SMARCA4: variants seen among roughly 807,000 people sequenced by gnomAD.
The protein encoded by SMARCA4 is SWI/SNF-related matrix-associated actin-dependent regulator of chromatin subfamily A member 4.
A neutral mutation model predicts 193.9 loss-of-function variants in SMARCA4; 31 were observed. That is an observed-to-expected ratio of 0.16 (90% CI 0.12 to 0.22). The LOEUF (loss-of-function observed/expected upper bound fraction) is 0.22. Ranked by LOEUF, SMARCA4 falls within the 10% of genes least tolerant of loss-of-function variation. SMARCA4 has a pLI of 1.00. For missense variants in SMARCA4, 1,148 were observed against 2,296.0 expected, an observed-to-expected ratio of 0.50 and a Z score of 10.22; for synonymous variants, 942 against 933.1, an observed-to-expected ratio of 1.01 and a Z score of -0.17.
rs1555753727 is a variant in SMARCA4, at chr19:10,986,542, G to A, written c.709G>A (p.Gly237Ser). 2 of 1,540,632 alleles carry A rather than the reference G, an allele frequency of 1.3e-6. No homozygotes were observed. Among genetic ancestry groups the A allele is most frequent in the Non-Finnish European group, 8.7e-7 (1 of 1,146,600 alleles). ...AGGACCCGGCCCTGGCCCTGGCCCT[G>A]GCCCCGGCCCGGGTCCCGGCCCGGC... is the stretch of plus-strand genomic sequence containing the variant. ...ATGPGPGPGP[G>S]PGPGPGPAPP... The change falls in exon 4 of 35, where the codon GGC becomes AGC. Residue 237 changes from glycine (G) to serine (S), a missense_variant. Physicochemically the swap from Gly to Ser is moderately conservative, Grantham distance 56 (BLOSUM62 0). Transcript: ENST00000344626. This position sits in a 1 kb window ranked among gnomAD's most constrained non-coding sequence, Gnocchi z 6.7.
Position 10,986,723 on chromosome 19 carries a change from C to A in SMARCA4, c.760+130C>A. 2 of 1,384,360 alleles carry A rather than the reference C, an allele frequency of 1.4e-6. No individual in the cohort carries two copies. The highest frequency in any genetic ancestry group is 2.0e-6 in the Non-Finnish European group (2 of 1,013,568). The allele number at this position is 1,384,360 out of a possible 1,614,324, so 85.8% of individuals were successfully genotyped here. A position where few individuals can be genotyped will look rare whatever the true frequency, so the allele number is the denominator to read the frequency against. ...TGGGATTGCACGGGCCCATACTGCA[C>A]TTCTGGGTGCTCGGGTGGTGGGGGC... On this transcript the variant is annotated intron_variant, in intron 4 of 34. Transcript: ENST00000344626. The surrounding 1 kb of genome is among the most constrained non-coding windows in gnomAD (Gnocchi z 6.7).
chr19:10,961,560 G>C lies in SMARCA4; in HGVS notation c.-32+386G>C, dbSNP rs569848910. The C allele has an allele frequency of 2.2e-3, 334 of 152,328 alleles. 7 individuals carry two copies. In the South Asian group the frequency reaches 0.024, roughly 11 times the overall value. 9.4% of individuals were successfully genotyped at this position (152,328 alleles called of 1,614,324 possible). A position where few individuals can be genotyped will look rare whatever the true frequency, so the allele number is the denominator to read the frequency against. On this transcript the variant is annotated intron_variant, in intron 1 of 34. Coordinates refer to ENST00000344626, the MANE Select transcript of SMARCA4 (RefSeq NM_003072.5). ...CAGGCGTTGGGGCTTTTCTGGCTGC[G>C]TGGTAACGGGTCCGACCCGAATGTT...
At chr19:10,988,190 G>T (rs1231678326) in intron 6 of SMARCA4, among the ~76,000 whole-genome samples, 1 of 151,744 alleles carries the variant, frequency 6.6e-6, no homozygotes, top group Non-Finnish European at 1.5e-5. Flanking sequence ...GCACAATCTC[G>T]GTTCACTGCA....
At position 11,034,762 on chromosome 19, in the gene SMARCA4, CACTGAAAAATCGAGAGCT is replaced by C. The variant is rs2075160736; in HGVS notation, c.3952-147_3952-130del. On this transcript the variant is annotated intron_variant, in intron 28 of 34. Transcript: ENST00000344626. This position sits in a 1 kb window ranked among gnomAD's most constrained non-coding sequence, Gnocchi z 7.0. ...TCTGACGGAGCCAGGCCAGGTCAGCCACTGAAAAATCGAGAGCTACTGTTTAACTCTCGCAGCAGCGTG... is the reference window on the plus strand; with the variant it reads ...TCTGACGGAGCCAGGCCAGGTCAGCCACTGTTTAACTCTCGCAGCAGCGTG... 2.9e-5 allele frequency: 20 copies of C among 689,054 alleles called. No homozygotes were observed. Among genetic ancestry groups the C allele is most frequent in the African/African-American group, 1.1e-4 (6 of 56,826 alleles). 42.7% of individuals were successfully genotyped at this position (689,054 alleles called of 1,614,324 possible).
intron 29 of SMARCA4, chr19:11,039,644 T>C (rs2075469398): frequency 1.7e-6 from 1 of 594,240 alleles, no homozygotes; most frequent in African/African-American, 2.0e-5. Context: ...AAAACATGGC[T>C]GCTTTGGTAA....
In SMARCA4 at chr19:11,041,110, A is replaced by C. The variant is rs1200542682; in HGVS notation, c.4171-197A>C. On this transcript the variant is annotated intron_variant, in intron 29 of 34. Coordinates refer to ENST00000344626, the MANE Select transcript of SMARCA4 (RefSeq NM_003072.5). The surrounding 1 kb of genome is among the most constrained non-coding windows in gnomAD (Gnocchi z 5.6). Reference sequence around the variant, plus strand: ...CTTGGGTGGGGTGCCTGCTGGGGGCAGTGCTGGTCTTTCACTGCAGCCCAG... The same window carrying C: ...CTTGGGTGGGGTGCCTGCTGGGGGCCGTGCTGGTCTTTCACTGCAGCCCAG... The C allele has an allele frequency of 3.3e-6, 2 of 603,074 alleles. No individual in the cohort carries two copies. Among genetic ancestry groups the C allele is most frequent in the Admixed American group, 6.0e-5 (2 of 33,492 alleles). 37.4% of individuals were successfully genotyped at this position (603,074 alleles called of 1,614,324 possible).
In SMARCA4 at chr19:10,984,078, G is replaced by A; in HGVS notation, c.-31-43G>A. ...TCCCTTGCTATCCCTGTCCTGCCTC[G>A]CCCTTGGTCATGAACCCCAGACTGA... On this transcript the variant is annotated intron_variant, in intron 1 of 34. Coordinates refer to ENST00000344626, the MANE Select transcript of SMARCA4 (RefSeq NM_003072.5). This position sits in a 1 kb window ranked among gnomAD's most constrained non-coding sequence, Gnocchi z 4.3. The A allele has an allele frequency of 3.9e-6, 6 of 1,552,394 alleles. No individual in the cohort carries two copies. The highest frequency in any genetic ancestry group is 2.2e-5 in the South Asian group (2 of 89,194).
At position 10,984,202 on chromosome 19, in the gene SMARCA4, C is replaced by T. The variant is rs1438233071; in HGVS notation, c.51C>T (p.Ser17=). ...PLGGTPRPGP[S]PGPGPSPGAM... is the part of the protein sequence containing the mutation. ...GCGGAACTCCTCGGCCAGGTCCTTC[C>T]CCGGGCCCTGGCCCTTCCCCTGGAG... is the stretch of plus-strand genomic sequence containing the variant. Residue 17 remains serine, a synonymous_variant, in exon 2 of 35, where the codon TCC becomes TCT. Transcript: ENST00000344626. The surrounding 1 kb of genome is among the most constrained non-coding windows in gnomAD (Gnocchi z 4.3). 2 of 1,612,482 alleles carry T rather than the reference C, an allele frequency of 1.2e-6. No individual in the cohort carries two copies. Among genetic ancestry groups the T allele is most frequent in the Admixed American group, 3.3e-5 (2 of 60,006 alleles).
chr19:10,962,834 C>T (rs1274378633), intron 1 of SMARCA4, among the ~76,000 whole-genome samples: 5 of 152,140 alleles, frequency 3.3e-5, no homozygotes, highest in African/African-American at 1.2e-4. Flanking sequence ...TGAGCCACTG[C>T]GCCAGGATTG....
At chr19:11,008,831 G>T (rs1282554807) in intron 14 of SMARCA4, among the ~76,000 whole-genome samples, 1 of 151,704 alleles carries the variant, frequency 6.6e-6, no homozygotes, top group Non-Finnish European at 1.5e-5. Context: ...AAAATTAGCT[G>T]GGCGTGGTGG....
intron 1 of SMARCA4, among the ~76,000 whole-genome samples, chr19:10,963,392 GAAAA>G (rs370224849): frequency 7.0e-5 from 9 of 128,216 alleles, no homozygotes; most frequent in Non-Finnish European, 1.4e-4. Context: ...AAAAAAAAAA[GAAAA>G]AGAAAGCTTG....
chr19:11,060,825 T>C (rs969311986), intron 34 of SMARCA4, among the ~76,000 whole-genome samples: 1 of 152,146 alleles, frequency 6.6e-6, no homozygotes, highest in Non-Finnish European at 1.5e-5. Flanking sequence ...GCCCAGCGAA[T>C]GCCATTTTGT....
rs763316939 is a variant in SMARCA4 at position 11,019,086 on chromosome 19, C to T, written c.2505+63C>T. 1.2e-5 allele frequency: 14 copies of T among 1,206,988 alleles called. No homozygotes were observed. The highest frequency in any genetic ancestry group is 4.5e-5 in the African/African-American group (3 of 67,134). The allele number at this position is 1,206,988 out of a possible 1,614,324, so 74.8% of individuals were successfully genotyped here. ...GAGGTGCAGGCGGTGGTGGGCAGGA[C>T]GTCCACACATACCTCTGGACAGTGA... On this transcript the variant is annotated intron_variant, in intron 17 of 34. Coordinates refer to ENST00000344626, the MANE Select transcript of SMARCA4 (RefSeq NM_003072.5). This position sits in a 1 kb window ranked among gnomAD's most constrained non-coding sequence, Gnocchi z 6.1.
At chr19:11,056,322 TAGG>T (rs1254539144) in intron 30 of SMARCA4, 2 of 152,060 alleles carry the variant, frequency 1.3e-5, no homozygotes, top group Non-Finnish European at 2.9e-5. Flanking sequence ...AGCCCGCTCA[TAGG>T]AAAAAGGAAG....
At position 11,046,784 on chromosome 19, in the gene SMARCA4, C is replaced by T. The variant is rs73925105; in HGVS notation, c.4424+5224C>T. On this transcript the variant is annotated intron_variant, in intron 30 of 34. Coordinates refer to ENST00000344626, the MANE Select transcript of SMARCA4 (RefSeq NM_003072.5). ...CAACCTGAGCAAAACAGGGAGACCC[C>T]GCCTATGCAAAAAATACAAAAATTA... Among the ~76,000 whole-genome samples the T allele has an allele frequency of 2.7e-3, 409 of 151,898 alleles. 4 individuals carry two copies. The highest frequency in any genetic ancestry group is 9.1e-3 in the African/African-American group (378 of 41,434).
At chr19:11,009,041 T>G (rs1312145269) in intron 14 of SMARCA4, among the ~76,000 whole-genome samples, 1 of 98,188 alleles carries the variant, frequency 1.0e-5, no homozygotes, top group Non-Finnish European at 2.2e-5. Context: ...TTTTTTTTTT[T>G]GAGATAGAGT....
intron 16 of SMARCA4, among the ~76,000 whole-genome samples, chr19:11,014,446 C>T (rs1377794656): frequency 2.6e-5 from 4 of 152,208 alleles, no homozygotes; most frequent in African/African-American, 9.7e-5. Flanking sequence ...AGGAGCAGGG[C>T]GTCCTTGTGC....
intron 11 of SMARCA4, among the ~76,000 whole-genome samples, chr19:11,000,199 G>A (rs558144324): frequency 6.7e-6 from 1 of 150,228 alleles, no homozygotes; most frequent in Admixed American, 6.7e-5. Flanking sequence ...TTGCACTCCA[G>A]CCTGGGTGAC....
In SMARCA4 at chr19:11,051,855, T is replaced by C. The variant is rs1387382336; in HGVS notation, c.4425-6400T>C. ...ACTCAGGCCTGTAATCCCAGCACTT[T>C]GGGAGGCTGAGGCGGGTGGATCACG... On this transcript the variant is annotated intron_variant, in intron 30 of 34. Transcript: ENST00000344626. Among the ~76,000 whole-genome samples the C allele has an allele frequency of 2.6e-5, 4 of 152,130 alleles. No individual in the cohort carries two copies. In the East Asian group the frequency reaches 5.9e-4, roughly 22 times the overall value.
Sources: gnomAD v4.1 joint callset for allele counts (sites outside exome capture counted in the v4.1 genomes callset) on GRCh38, gnomAD v4.1.1 for gene constraint, Gnocchi (gnomAD v3.1) non-coding constraint, MANE v1.5 for transcripts, NCBI Gene and HGNC (gene_info 2026-07-23, HGNC 2026-07-21) for gene names.